Variants in CADPS observed in about 807,000 individuals in gnomAD.
CADPS encodes the protein calcium dependent secretion activator, also known as calcium-dependent secretion activator 1.
A neutral mutation model predicts 167.3 loss-of-function variants in CADPS; 57 were observed. That is an observed-to-expected ratio of 0.34 (90% confidence interval 0.28 to 0.42). The LOEUF (loss-of-function observed/expected upper bound fraction) is 0.42, where lower values mean the gene tolerates loss of function less well. Among genes scored for constraint, CADPS ranks in the 20% least tolerant of loss-of-function variants. The pLI is 1.00. For synonymous variants in CADPS, 676 were observed against 635.3 expected (o/e 1.06, Z -0.96); for missense variants, 1,414 against 1,738.1 (o/e 0.81, Z 3.32).
chr3:62,497,888 C>T (rs1404687029), intron 18 of CADPS, among the ~76,000 whole-genome samples: 1 of 152,112 alleles, frequency 6.6e-6, no homozygotes. Context: ...AGGTAGGAGG[C>T]GTTGTGTTGG....
At chr3:62,803,982 G>A (rs914021991) in intron 1 of CADPS, among the ~76,000 whole-genome samples, 3 of 151,954 alleles carry the variant, frequency 2.0e-5, no homozygotes, top group African/African-American at 7.3e-5. Context: ...GCCTTCTAAT[G>A]TCACTGGAAA....
intron 4 of CADPS, among the ~76,000 whole-genome samples, chr3:62,661,356 A>C: frequency 7.2e-6 from 1 of 138,134 alleles, no homozygotes; most frequent in East Asian, 3.8e-4. Context: ...CAGGTACTGA[A>C]GGCTGAGTAG....
At position 62,753,372 on chromosome 3, in the gene CADPS, G is replaced by A. The variant is rs1191974056; in HGVS notation, c.888+69C>T. The A allele has an allele frequency of 8.8e-6, 10 of 1,134,034 alleles. No homozygotes were observed. In the African/African-American group the frequency reaches 1.6e-4, roughly 18 times the overall value. 70.2% of individuals were successfully genotyped at this position (1,134,034 alleles called of 1,614,324 possible). ...ATCCTTTTTTTAAAAAAATCAAGAA[G>A]TATCTCATAGAAGTTGGAATGCAGC... On this transcript the variant is annotated intron_variant, in intron 3 of 29. Transcript: ENST00000383710. This position sits in a 1 kb window ranked among gnomAD's most constrained non-coding sequence, Gnocchi z 4.6.
intron 1 of CADPS, among the ~76,000 whole-genome samples, chr3:62,868,949 T>C (rs2082169073): frequency 6.6e-6 from 1 of 152,082 alleles, no homozygotes; most frequent in African/African-American, 2.4e-5. Flanking sequence ...CAATCAGTTG[T>C]TCATTAGTGG....
chr3:62,498,447 A>G (rs1248375363), intron 18 of CADPS, among the ~76,000 whole-genome samples: 3 of 152,152 alleles, frequency 2.0e-5, no homozygotes. Context: ...CACTTTTGAG[A>G]TGAGCATTGA....
intron 6 of CADPS, among the ~76,000 whole-genome samples, chr3:62,624,947 T>G (rs2063785717): frequency 7.0e-6 from 1 of 143,870 alleles, no homozygotes; most frequent in African/African-American, 3.0e-5. Context: ...CATTGCCTCA[T>G]TCTGAAATTT....
chr3:62,875,065 G>A lies in CADPS; in HGVS notation c.-36C>T, dbSNP rs747859296. 1.9e-6 allele frequency: 3 copies of A among 1,550,730 alleles called. No individual in the cohort carries two copies. Among genetic ancestry groups the A allele is most frequent in the East Asian group, 2.6e-5 (1 of 38,726 alleles). ...GGGGAGCGGGGTCTCTGGAGCCCCC[G>A]GCTTGGAGTGCAAAAGGTGGGGGGC... On this transcript the variant is annotated 5_prime_UTR_variant, in exon 1 of 30. Coordinates refer to ENST00000383710, the MANE Select transcript of CADPS (RefSeq NM_003716.4).
chr3:62,565,805 G>A (rs2080055368), intron 9 of CADPS, among the ~76,000 whole-genome samples: 2 of 152,122 alleles, frequency 1.3e-5, no homozygotes, highest in Admixed American at 1.3e-4. Flanking sequence ...CTGGCTAGTA[G>A]GAAGTCCGTT....
intron 6 of CADPS, among the ~76,000 whole-genome samples, chr3:62,610,086 C>T (rs536464063): frequency 6.6e-6 from 1 of 151,794 alleles, no homozygotes; most frequent in East Asian, 1.9e-4. Flanking sequence ...GAGACCCTTT[C>T]TGGAAAAACA....
At chr3:62,607,338 T>C (rs2060827021) in intron 6 of CADPS, among the ~76,000 whole-genome samples, 1 of 152,156 alleles carries the variant, frequency 6.6e-6, no homozygotes. Context: ...ACAGGCACTG[T>C]CTAGGTTCCC....
At chr3:62,851,105 T>A (rs2078476937) in intron 1 of CADPS, among the ~76,000 whole-genome samples, 1 of 122,304 alleles carries the variant, frequency 8.2e-6, no homozygotes, top group Admixed American at 8.7e-5. Context: ...ACCCCTGCCT[T>A]TTTTTGTTTT....
chr3:62,485,276 A>G (rs1178524309), intron 21 of CADPS, among the ~76,000 whole-genome samples: 1 of 152,008 alleles, frequency 6.6e-6, no homozygotes, highest in African/African-American at 2.4e-5. Flanking sequence ...GAACCTCCCA[A>G]ACATCTCTCC....
intron 24 of CADPS, among the ~76,000 whole-genome samples, chr3:62,467,938 A>G (rs1219093297): frequency 1.3e-5 from 2 of 152,158 alleles, no homozygotes; most frequent in Non-Finnish European, 2.9e-5. Flanking sequence ...CAAGTATTAG[A>G]TAAGGGTAGA....
intron 28 of CADPS, among the ~76,000 whole-genome samples, chr3:62,434,243 C>T (rs570004407): frequency 6.6e-6 from 1 of 152,104 alleles, no homozygotes; most frequent in South Asian, 2.1e-4. Context: ...AAACAATATA[C>T]AATTACACTT....
intron 28 of CADPS, among the ~76,000 whole-genome samples, chr3:62,418,313 C>G (rs371092196): frequency 7.2e-6 from 1 of 138,974 alleles, no homozygotes; most frequent in Non-Finnish European, 1.6e-5. Flanking sequence ...TTTTTCTTTT[C>G]TTTTTTCTCT....
chr3:62,584,317 T>C (rs1334839593), intron 8 of CADPS, among the ~76,000 whole-genome samples: 4 of 152,164 alleles, frequency 2.6e-5, no homozygotes, highest in Non-Finnish European at 5.9e-5. Context: ...GTAACCCTCA[T>C]TTTTAATGGC....
At chr3:62,661,259 G>A (rs2073138168) in intron 4 of CADPS, among the ~76,000 whole-genome samples, 1 of 152,162 alleles carries the variant, frequency 6.6e-6, no homozygotes, top group Non-Finnish European at 1.5e-5. Context: ...TCGATGAGCT[G>A]CTATAATAAA....
chr3:62,570,772 T>G (rs2081144937), intron 9 of CADPS, 100 bp downstream of exon 9: 69 of 806,842 alleles, frequency 8.6e-5, no homozygotes, highest in Non-Finnish European at 1.4e-4. Context: ...GCTAAATGCA[T>G]GAGCTCTGTG....
intron 5 of CADPS, among the ~76,000 whole-genome samples, chr3:62,649,577 T>A (rs1453818501): frequency 4.1e-4 from 35 of 84,950 alleles, no homozygotes; most frequent in East Asian, 1.3e-3. Context: ...TTTTTTTTTT[T>A]AAAGACAGGG....
Sources: allele counts gnomAD v4.1 joint callset (sites outside exome capture counted in the v4.1 genomes callset), GRCh38; gene constraint gnomAD v4.1.1; non-coding constraint Gnocchi (gnomAD v3.1); transcripts MANE v1.5; gene names NCBI Gene and HGNC (gene_info 2026-07-23, HGNC 2026-07-21).